Variants in SLC23A2 observed in about 807,000 individuals in gnomAD.
SLC23A2 encodes solute carrier family 23 member 2, also known as Na(+)/L-ascorbic acid transporter 2.
Under a neutral mutation model 73.3 loss-of-function variants are expected in SLC23A2, and 36 were observed. The ratio of observed to expected loss-of-function variants is 0.49; its 90% CI spans 0.38 to 0.65. SLC23A2 has a LOEUF of 0.65. Among genes scored for constraint, SLC23A2 ranks in the 30% least tolerant of loss-of-function variants. The pLI, the probability that SLC23A2 is intolerant of heterozygous loss-of-function variation, is 0.00. For synonymous variants in SLC23A2, 343 were observed against 327.3 expected (o/e 1.05, Z -0.52); for missense variants, 507 against 841.6 (o/e 0.60, Z 4.92).
At chr20:4,945,974 C>G (rs2087114187) in intron 2 of SLC23A2, among the ~76,000 whole-genome samples, 1 of 152,088 alleles carries the variant, frequency 6.6e-6, no homozygotes, top group Admixed American at 6.5e-5. Context: ...GAGGGGGTAC[C>G]CAGAATTGCA....
At chr20:4,974,382 C>T (rs957191114) in intron 1 of SLC23A2, among the ~76,000 whole-genome samples, 2 of 152,088 alleles carry the variant, frequency 1.3e-5, no homozygotes, top group Admixed American at 6.5e-5. Context: ...GCAGGAGAAT[C>T]GCTTGAACCC....
intron 1 of SLC23A2, among the ~76,000 whole-genome samples, chr20:4,986,649 TACACACACACACAC>T (rs55738084): frequency 0.011 from 1,492 of 129,826 alleles, 12 homozygotes; most frequent in Non-Finnish European, 0.017. Context: ...CATACACACA[TACACACACACACAC>T]ACACACACAC....
At chr20:4,950,683 T>C (rs1000645540) in intron 2 of SLC23A2, among the ~76,000 whole-genome samples, 9 of 152,022 alleles carry the variant, frequency 5.9e-5, no homozygotes, top group African/African-American at 2.2e-4. Flanking sequence ...AATATGCAAA[T>C]ACCTGCCTCC....
At chr20:4,954,715 AAG>A (rs1555805243) in intron 2 of SLC23A2, among the ~76,000 whole-genome samples, 22 of 147,556 alleles carry the variant, frequency 1.5e-4, no homozygotes, top group African/African-American at 5.5e-4. Flanking sequence ...AAAAAAAAAA[AAG>A]AAAGAAAGAA....
At chr20:4,987,712 G>C (rs928147786) in intron 1 of SLC23A2, among the ~76,000 whole-genome samples, 3 of 152,034 alleles carry the variant, frequency 2.0e-5, no homozygotes, top group South Asian at 2.1e-4. Flanking sequence ...GCCGGGCGTG[G>C]TAGCGGGCGC....
At chr20:4,956,154 T>A (rs2087285410) in intron 2 of SLC23A2, among the ~76,000 whole-genome samples, 1 of 152,364 alleles carries the variant, frequency 6.6e-6, no homozygotes, top group South Asian at 2.1e-4. Flanking sequence ...AATCTCTGAT[T>A]TGTTTTCCTT....
rs931110813 is a variant in SLC23A2 at position 4,899,301 on chromosome 20, G to A, written c.482+254C>T. On this transcript the variant is annotated intron_variant, in intron 6 of 16. Coordinates refer to ENST00000338244, the MANE Select transcript of SLC23A2 (RefSeq NM_005116.6). The surrounding 1 kb of genome is among the most constrained non-coding windows in gnomAD (Gnocchi z 4.9). ...GGGGAGCGAGCATGACTTGCCAAGG[G>A]GGCAGGGGAAGGAGAGTGAGGCTGA... is the stretch of plus-strand genomic sequence containing the variant. Among the ~76,000 whole-genome samples the A allele has an allele frequency of 7.9e-5, 12 of 152,272 alleles. No individual in the cohort carries two copies. The highest frequency in any genetic ancestry group is 2.9e-4 in the African/African-American group (12 of 41,548).
rs1200555222 is a variant in SLC23A2 at position 4,854,605 on chromosome 20, C to A, written c.*2367G>T. 1 of 152,156 alleles carries A rather than the reference C, an allele frequency of 6.6e-6. No homozygotes were observed. Among genetic ancestry groups the A allele is most frequent in the African/African-American group, 2.4e-5 (1 of 41,404 alleles). 9.4% of individuals were successfully genotyped at this position (152,156 alleles called of 1,614,324 possible). A position where few individuals can be genotyped will look rare whatever the true frequency, so the allele number is the denominator to read the frequency against. On this transcript the variant is annotated 3_prime_UTR_variant, in exon 17 of 17. Coordinates refer to ENST00000338244, the MANE Select transcript of SLC23A2 (RefSeq NM_005116.6). ...TCAGAACAGGAAACTCTCACTCCAA[C>A]AGGAGTTGAAAGGGTAGGGCTTCCT...
chr20:4,968,880 G>A (rs2087516990), intron 2 of SLC23A2, among the ~76,000 whole-genome samples: 1 of 151,714 alleles, frequency 6.6e-6, no homozygotes, highest in Non-Finnish European at 1.5e-5. Flanking sequence ...CACCATGCCT[G>A]GCTAATTTTT....
In SLC23A2 at chr20:4,883,140, T is replaced by C. The variant is rs6038010; in HGVS notation, c.824+502A>G. ...TGACTAGCAGGACCCTGGCAGAAAC[T>C]ATGTCCCTCCCCCAACCACCCACCC... On this transcript the variant is annotated intron_variant, in intron 9 of 16. Coordinates refer to ENST00000338244, the MANE Select transcript of SLC23A2 (RefSeq NM_005116.6). The surrounding 1 kb of genome is among the most constrained non-coding windows in gnomAD (Gnocchi z 4.5). Among the ~76,000 whole-genome samples, 78,632 of 152,084 alleles carry C rather than the reference T, an allele frequency of 0.52. 23,927 individuals carry two copies. Among genetic ancestry groups the C allele is most frequent in the African/African-American group, 0.86 (35,629 of 41,478 alleles).
Position 4,857,167 on chromosome 20 carries a change from C to G in SLC23A2, c.1758G>C (p.Lys586Asn), listed in dbSNP as rs1257247360. ...GTGATTTGTTCCCTTTGCCCACACC[C>G]TTCTTCCATTTCCGGATTCCTCTTT... The part of the protein sequence containing the change: ...PEERGIRKWK[K>N]GVGKGNKSLD... Residue 586 changes from lysine (K) to asparagine (N), a missense_variant, in exon 17 of 17, where the codon AAG becomes AAC. Lys to Asn is a moderately conservative substitution (Grantham distance 94). This residue lies in a region of SLC23A2 where 168 missense variants were observed against 302.3 expected (regional missense o/e 0.56). Transcript: ENST00000338244. This position sits in a 1 kb window ranked among gnomAD's most constrained non-coding sequence, Gnocchi z 4.0. 1.2e-6 allele frequency: 2 copies of G among 1,611,104 alleles called. No individual in the cohort carries two copies. Among genetic ancestry groups the G allele is most frequent in the Non-Finnish European group, 1.7e-6 (2 of 1,177,876 alleles).
At chr20:4,894,002 G>A (rs894234511) in intron 6 of SLC23A2, among the ~76,000 whole-genome samples, 4 of 152,162 alleles carry the variant, frequency 2.6e-5, no homozygotes, top group African/African-American at 9.7e-5. Flanking sequence ...GCTCAGAGGT[G>A]CCACAAAAGA....
rs115475308 is a variant in SLC23A2, at chr20:4,952,737, T to G, written c.-155+18056A>C. On this transcript the variant is annotated intron_variant, in intron 2 of 16. Coordinates refer to ENST00000338244, the MANE Select transcript of SLC23A2 (RefSeq NM_005116.6). ...ACATATGCTATATAAGAAATGTAAT[T>G]AAATAGGCCAGGCGCAGTGGCTCAC... is the stretch of plus-strand genomic sequence containing the variant. Among the ~76,000 whole-genome samples, 487 of 152,202 alleles carry G rather than the reference T, an allele frequency of 3.2e-3. 1 individual carries two copies. The highest frequency in any genetic ancestry group is 0.011 in the African/African-American group (450 of 41,530).
At chr20:4,885,686 A>C in intron 7 of SLC23A2, 135 bp downstream of exon 7, 2 of 686,808 alleles carry the variant, frequency 2.9e-6, no homozygotes, top group Non-Finnish European at 5.4e-6. Context: ...GAGCATTCTA[A>C]GCTGTTTGTG....
intron 6 of SLC23A2, among the ~76,000 whole-genome samples, chr20:4,897,358 CTG>C (rs1931576178): frequency 1.3e-5 from 2 of 152,332 alleles, no homozygotes; most frequent in Middle Eastern, 3.4e-3. Context: ...AATGGCCACA[CTG>C]TGGGGAGGAT....
chr20:5,006,583 T>C (rs561403867), intron 1 of SLC23A2, among the ~76,000 whole-genome samples: 1 of 124,426 alleles, frequency 8.0e-6, no homozygotes, highest in East Asian at 2.5e-4. Context: ...TTATTTATTT[T>C]GAGACGGAGT....
At chr20:4,995,360 T>C (rs932278050) in intron 1 of SLC23A2, among the ~76,000 whole-genome samples, 1 of 152,132 alleles carries the variant, frequency 6.6e-6, no homozygotes, top group African/African-American at 2.4e-5. Flanking sequence ...GTGCACCCTT[T>C]ACTCCACCCC....
intron 1 of SLC23A2, among the ~76,000 whole-genome samples, chr20:4,997,606 A>C (rs962670197): frequency 6.6e-6 from 1 of 152,148 alleles, no homozygotes; most frequent in Non-Finnish European, 1.5e-5. Context: ...TGAGTTCTTA[A>C]GGATGGGGCC....
At position 4,930,962 on chromosome 20, in the gene SLC23A2, T is replaced by A. The variant is rs545817683; in HGVS notation, c.108+1493A>T. Among the ~76,000 whole-genome samples, 4 of 148,024 alleles carry A rather than the reference T, an allele frequency of 2.7e-5. No individual in the cohort carries two copies. In the South Asian group the frequency reaches 8.5e-4, roughly 32 times the overall value. On this transcript the variant is annotated intron_variant, in intron 3 of 16. Coordinates refer to ENST00000338244, the MANE Select transcript of SLC23A2 (RefSeq NM_005116.6). Reference sequence around the variant, plus strand: ...GACTGCCCTCCAGCATAGGCAAGAGTGAGACTCAGTCTATTTTTTTTTTTT... The same window carrying A: ...GACTGCCCTCCAGCATAGGCAAGAGAGAGACTCAGTCTATTTTTTTTTTTT...
Sources: gnomAD v4.1 joint callset for allele counts (sites outside exome capture counted in the v4.1 genomes callset) on GRCh38, gnomAD v4.1.1 for gene constraint, gnomAD v4.1.1 regional missense constraint, Gnocchi (gnomAD v3.1) non-coding constraint, MANE v1.5 for transcripts, NCBI Gene and HGNC (gene_info 2026-07-23, HGNC 2026-07-21) for gene names.